The following SEPTIN9 variants were observed in gnomAD, a reference collection of about 807,000 sequenced individuals.
The protein encoded by SEPTIN9 is septin 9.
In SEPTIN9, 13 loss-of-function variants were observed where a neutral mutation model predicts 56.6. The ratio of observed to expected loss-of-function variants is 0.23; its 90% CI spans 0.15 to 0.37. SEPTIN9 has a LOEUF of 0.37. Among genes scored for constraint, SEPTIN9 ranks in the 10% least tolerant of loss-of-function variants. SEPTIN9 has a pLI of 1.00. For missense variants in SEPTIN9, 650 were observed against 823.1 expected (o/e 0.79, Z 2.57); for synonymous variants, 332 against 334.1 (o/e 0.99, Z 0.07).
intron 3 of SEPTIN9, among the ~76,000 whole-genome samples, chr17:77,479,888 C>A (rs2039381413): frequency 6.6e-6 from 1 of 152,288 alleles, no homozygotes; most frequent in African/African-American, 2.4e-5. Context: ...TGAACTGCTG[C>A]CCCGCAAGGC....
At chr17:77,482,794 C>T in intron 4 of SEPTIN9, 1 of 550,252 alleles carries the variant, frequency 1.8e-6, no homozygotes. Context: ...GGCTTCCACA[C>T]CCCCTGGTGG....
chr17:77,394,274 C>T (rs563485994), intron 2 of SEPTIN9, among the ~76,000 whole-genome samples: 3 of 152,336 alleles, frequency 2.0e-5, no homozygotes, highest in African/African-American at 7.2e-5. Flanking sequence ...GGCGTACATG[C>T]TGCTGGACTC....
Position 77,482,024 on chromosome 17 carries a change from A to G in SEPTIN9, c.722-120A>G, listed in dbSNP as rs544043736. 238 of 959,214 alleles carry G rather than the reference A, an allele frequency of 2.5e-4. 2 individuals are homozygous for G. Among genetic ancestry groups the G allele is most frequent in the South Asian group, 2.2e-3 (128 of 57,964 alleles). 59.4% of individuals were successfully genotyped at this position (959,214 alleles called of 1,614,324 possible). On this transcript the variant is annotated intron_variant, in intron 3 of 11. Coordinates refer to ENST00000427177, the MANE Select transcript of SEPTIN9 (RefSeq NM_001113491.2). Reference sequence around the variant, plus strand: ...CAGGGGTCGCCTGGGCAAGTCGCTTAGCCTTTCTGAGCCTCAGTGCCTCAG... The same window carrying G: ...CAGGGGTCGCCTGGGCAAGTCGCTTGGCCTTTCTGAGCCTCAGTGCCTCAG...
intron 3 of SEPTIN9, among the ~76,000 whole-genome samples, chr17:77,459,597 A>C (rs1319908385): frequency 2.0e-5 from 3 of 152,194 alleles, no homozygotes; most frequent in Admixed American, 6.5e-5. Flanking sequence ...TGCAGGCTGT[A>C]CAAGTGGTGC....
rs2033325110 is a variant in SEPTIN9, at chr17:77,330,994, G to A, written c.76+23797G>A. Among the ~76,000 whole-genome samples the A allele has an allele frequency of 6.6e-6, 1 of 152,216 alleles. No individual in the cohort carries two copies. Among genetic ancestry groups the A allele is most frequent in the Non-Finnish European group, 1.5e-5 (1 of 68,038 alleles). ...AGATTCGATGCAGTGATGCAGGGCT[G>A]TCAGCCATGCCAGCAGGCCCTGCTG... On this transcript the variant is annotated intron_variant, in intron 2 of 11. Transcript: ENST00000427177. The surrounding 1 kb of genome is among the most constrained non-coding windows in gnomAD (Gnocchi z 4.4).
At chr17:77,444,467 G>A (rs2037661548) in intron 3 of SEPTIN9, among the ~76,000 whole-genome samples, 1 of 152,022 alleles carries the variant, frequency 6.6e-6, no homozygotes, top group Admixed American at 6.6e-5. Flanking sequence ...TGAGAGGGCT[G>A]GGGGTCGGGG....
In SEPTIN9 at chr17:77,373,813, C is replaced by T. The variant is rs1003790348; in HGVS notation, c.77-28246C>T. 12 of 511,218 alleles carry T rather than the reference C, an allele frequency of 2.3e-5. No homozygotes were observed. The Admixed American group carries it at 3.1e-4, about 13-fold the overall frequency. 31.7% of individuals were successfully genotyped at this position (511,218 alleles called of 1,614,324 possible). ...GACCCTGTGCTCGTTCTGCGCACTG[C>T]CGCCTGGGTTTCCTTCCTTTTATTG... On this transcript the variant is annotated intron_variant, in intron 2 of 11. Coordinates refer to ENST00000427177, the MANE Select transcript of SEPTIN9 (RefSeq NM_001113491.2).
intron 3 of SEPTIN9, among the ~76,000 whole-genome samples, chr17:77,418,332 G>C (rs1375757849): frequency 1.3e-5 from 2 of 152,142 alleles, no homozygotes; most frequent in Non-Finnish European, 2.9e-5. Context: ...AGAGCCGCCT[G>C]GCCTCCAGCT....
At position 77,318,634 on chromosome 17, in the gene SEPTIN9, G is replaced by A. The variant is rs2032790565; in HGVS notation, c.76+11437G>A. Among the ~76,000 whole-genome samples, 1 of 152,046 alleles carries A rather than the reference G, an allele frequency of 6.6e-6. No homozygotes were observed. Among genetic ancestry groups the A allele is most frequent in the South Asian group, 2.1e-4 (1 of 4,812 alleles). On this transcript the variant is annotated intron_variant, in intron 2 of 11. Transcript: ENST00000427177. The surrounding 1 kb of genome is among the most constrained non-coding windows in gnomAD (Gnocchi z 4.9). ...CTGTCCTCCAGGCTCTTTGGGAGGAGGTGGTTGCTTGATGTCTCCCAGAAG... is the reference window on the plus strand; with the variant it reads ...CTGTCCTCCAGGCTCTTTGGGAGGAAGTGGTTGCTTGATGTCTCCCAGAAG...
intron 3 of SEPTIN9, among the ~76,000 whole-genome samples, chr17:77,473,907 T>C (rs942874373): frequency 2.6e-5 from 4 of 152,208 alleles, no homozygotes; most frequent in African/African-American, 9.6e-5. Context: ...CTACCATTAT[T>C]GTCTATAGTT....
At chr17:77,335,175 T>A (rs1016084167) in intron 2 of SEPTIN9, among the ~76,000 whole-genome samples, 6 of 151,966 alleles carry the variant, frequency 3.9e-5, no homozygotes, top group African/African-American at 1.2e-4. Flanking sequence ...TGGTCCTATA[T>A]TAGTATATGT....
chr17:77,340,755 G>A (rs746888525), intron 2 of SEPTIN9, among the ~76,000 whole-genome samples: 8 of 152,230 alleles, frequency 5.3e-5, no homozygotes, highest in Non-Finnish European at 7.3e-5. Context: ...GTTGCTTAGT[G>A]TAGCCACCTT....
At chr17:77,409,756 A>G (rs953681419) in intron 3 of SEPTIN9, among the ~76,000 whole-genome samples, 4 of 152,332 alleles carry the variant, frequency 2.6e-5, no homozygotes, top group South Asian at 4.1e-4. Flanking sequence ...GGTCTGCACA[A>G]TGGCGAGCCT....
chr17:77,460,647 T>C (rs1317548287), intron 3 of SEPTIN9, among the ~76,000 whole-genome samples: 1 of 152,128 alleles, frequency 6.6e-6, no homozygotes, highest in Admixed American at 6.5e-5. Flanking sequence ...CCCCAGCAGC[T>C]GGGGGCTCCT....
intron 2 of SEPTIN9, among the ~76,000 whole-genome samples, chr17:77,308,159 C>T (rs1222297061): frequency 6.6e-6 from 1 of 152,220 alleles, no homozygotes; most frequent in African/African-American, 2.4e-5. Context: ...GTCACCTGTG[C>T]ATATGTGCTG....
intron 3 of SEPTIN9, among the ~76,000 whole-genome samples, chr17:77,411,281 T>TA (rs2036286031): frequency 6.6e-6 from 1 of 152,194 alleles, no homozygotes; most frequent in Non-Finnish European, 1.5e-5. Flanking sequence ...AGTCAATGTG[T>TA]AAATATAGAC....
intron 2 of SEPTIN9, among the ~76,000 whole-genome samples, chr17:77,328,738 A>G (rs1567996361): frequency 6.6e-6 from 1 of 152,232 alleles, no homozygotes; most frequent in Non-Finnish European, 1.5e-5. Flanking sequence ...AATGAGGAGC[A>G]ACAAAGACAC....
rs956530217 is a variant in SEPTIN9, at chr17:77,466,357, T to A, written c.722-15787T>A. On this transcript the variant is annotated intron_variant, in intron 3 of 11. Transcript: ENST00000427177. ...CCAGGCCCCTTCCCCCTCCCAGCCT[T>A]GGGAGAAATTACCATATGAATGTAG... The A allele has an allele frequency of 6.1e-6, 6 of 982,876 alleles. No homozygotes were observed. In the African/African-American group the frequency reaches 1.0e-4, roughly 17 times the overall value. 60.9% of individuals were successfully genotyped at this position (982,876 alleles called of 1,614,324 possible).
chr17:77,425,127 G>T lies in SEPTIN9; in HGVS notation c.721+22424G>T, dbSNP rs1426722899. Among the ~76,000 whole-genome samples the T allele has an allele frequency of 6.6e-6, 1 of 152,180 alleles. No individual in the cohort carries two copies. Among genetic ancestry groups the T allele is most frequent in the South Asian group, 2.1e-4 (1 of 4,832 alleles). ...CCCCACCCCCGGGGCTGTTCCTGGC[G>T]CCCTGCCCTCCCCCAGAGCCCCACT... On this transcript the variant is annotated intron_variant, in intron 3 of 11. Transcript: ENST00000427177. This position sits in a 1 kb window ranked among gnomAD's most constrained non-coding sequence, Gnocchi z 4.2.
Sources: allele counts gnomAD v4.1 joint callset (sites outside exome capture counted in the v4.1 genomes callset), GRCh38; gene constraint gnomAD v4.1.1; non-coding constraint Gnocchi (gnomAD v3.1); transcripts MANE v1.5; gene names NCBI Gene and HGNC (gene_info 2026-07-23, HGNC 2026-07-21).